The following TRIM5 variants were observed in gnomAD, a reference collection of about 807,000 sequenced individuals.
TRIM5 encodes the protein tripartite motif-containing protein 5.
TRIM5 carries 31 observed loss-of-function variants against 35.6 expected under a neutral mutation model. The observed-to-expected ratio is 0.87, with a 90% CI of 0.65 to 1.18. TRIM5 has a LOEUF of 1.18. TRIM5 is among the 50% of genes most tolerant of loss of function. TRIM5 has a pLI of 0.00. For synonymous variants in TRIM5, 243 were observed against 215.6 expected, an observed-to-expected ratio of 1.13 and a Z score of -1.11; for missense variants, 609 against 591.6, an observed-to-expected ratio of 1.03 and a Z score of -0.31.
chr11:5,601,052 A>T, the TRIM5 span, among the ~76,000 whole-genome samples: 1 of 152,338 alleles, frequency 6.6e-6, no homozygotes, highest in South Asian at 2.1e-4. Flanking sequence ...ATGAAGATAT[A>T]AGGTCTCAAC....
chr11:5,623,481 C>A, the TRIM5 span, among the ~76,000 whole-genome samples: 4 of 151,932 alleles, frequency 2.6e-5, no homozygotes, highest in Middle Eastern at 0.01. Context: ...AATTCTCCTG[C>A]CTCAGCCTCC....
At chr11:5,656,336 C>T in the TRIM5 span, among the ~76,000 whole-genome samples, 20,823 of 148,754 alleles carry the variant, frequency 0.14, 1,928 homozygotes, top group East Asian at 0.43. Context: ...AAAAAGTGAG[C>T]GAAGGATATG....
At chr11:5,649,296 C>G in the TRIM5 span, among the ~76,000 whole-genome samples, 34 of 152,216 alleles carry the variant, frequency 2.2e-4, 1 homozygote, top group Non-Finnish European at 4.3e-4. Flanking sequence ...TCTCTTTCCT[C>G]TCAGCAAGCA....
Position 5,663,573 on chromosome 11 carries a change from C to G in TRIM5, c.*1236G>C, listed in dbSNP as rs1590218248. On this transcript the variant is annotated 3_prime_UTR_variant, in exon 8 of 8. Coordinates refer to ENST00000380034, the MANE Select transcript of TRIM5 (RefSeq NM_033034.3). ...ACACTTAGATAGATGCTTTATACTT[C>G]AGGAATTTATTTTTTCACAATGATC... 6.2e-6 allele frequency: 6 copies of G among 971,862 alleles called. No individual in the cohort carries two copies. The highest frequency in any genetic ancestry group is 7.3e-6 in the Non-Finnish European group (6 of 817,538). 60.2% of individuals were successfully genotyped at this position (971,862 alleles called of 1,614,324 possible).
At chr11:5,614,265 C>G in the TRIM5 span, among the ~76,000 whole-genome samples, 24,643 of 152,144 alleles carry the variant, frequency 0.16, 2,057 homozygotes, top group East Asian at 0.3. Context: ...TGGCACTGTT[C>G]CATGTGGGAT....
chr11:5,639,016 G>A, the TRIM5 span, among the ~76,000 whole-genome samples: 5 of 152,064 alleles, frequency 3.3e-5, no homozygotes, highest in African/African-American at 1.2e-4. Context: ...CTAGGGTCTG[G>A]GGTCTAGAAA....
In TRIM5 at chr11:5,680,010, AG is replaced by A. The variant is rs760713080; in HGVS notation, c.167del (p.Pro56LeufsTer18). The A allele has an allele frequency of 3.1e-6, 5 of 1,614,138 alleles. No homozygotes were observed. Among genetic ancestry groups the A allele is most frequent in the Non-Finnish European group, 3.4e-6 (4 of 1,180,000 alleles). On this transcript the variant is annotated frameshift_variant, in exon 2 of 8. Coordinates refer to ENST00000380034, the MANE Select transcript of TRIM5 (RefSeq NM_033034.3). LOFTEE classifies it high-confidence loss of function. ...CAGGCTGGTAACTGATCCGGCACAC[AG>A]GGCAGCTACTCTCTCCTTTGTCTAG... The part of the protein sequence containing the change: ...SMLDKGESSC[P>X]VCRISYQPEN...
At chr11:5,596,525 C>CCCTTCCT in the TRIM5 span, 1 of 21,822 alleles carries the variant, frequency 4.6e-5, no homozygotes, top group South Asian at 1.8e-3. Context: ...TCCCCTTCCC[C>CCCTTCCT]CCTTCCCCCT....
At position 5,663,255 on chromosome 11, in the gene TRIM5, A is replaced by C. The variant is rs572511870; in HGVS notation, c.*1554T>G. ...TAACTTTTAAAAAACTACATCAGCT[A>C]ATTTTATTATAATTATTTTTTACAA... On this transcript the variant is annotated 3_prime_UTR_variant, in exon 8 of 8. Transcript: ENST00000380034. 2.1e-6 allele frequency: 2 copies of C among 951,184 alleles called. No homozygotes were observed. The highest frequency in any genetic ancestry group is 2.3e-4 in the East Asian group (2 of 8,608). The allele number at this position is 951,184 out of a possible 1,614,324, so 58.9% of individuals were successfully genotyped here.
the TRIM5 span, chr11:5,642,574 T>G: frequency 5.1e-6 from 8 of 1,555,504 alleles, no homozygotes; most frequent in East Asian, 1.8e-4. Context: ...ACTGTCTAGG[T>G]GGGATAACTT....
the TRIM5 span, among the ~76,000 whole-genome samples, chr11:5,606,820 C>G: frequency 6.6e-6 from 1 of 152,202 alleles, no homozygotes; most frequent in African/African-American, 2.4e-5. Context: ...CTTGAGTAGT[C>G]TTTTCTAAAA....
chr11:5,632,603 G>A, the TRIM5 span: 1 of 1,613,472 alleles, frequency 6.2e-7, no homozygotes, highest in Non-Finnish European at 8.5e-7. Flanking sequence ...CCAGACAATG[G>A]GAAGAAGAGA....
At chr11:5,657,334 T>TAAATAC in the TRIM5 span, among the ~76,000 whole-genome samples, 8 of 151,304 alleles carry the variant, frequency 5.3e-5, no homozygotes, top group Middle Eastern at 3.4e-3. Context: ...AGGGAAGGGA[T>TAAATAC]CGCATTAGGA....
the TRIM5 span, among the ~76,000 whole-genome samples, chr11:5,656,340 G>T: frequency 1.4e-5 from 2 of 148,038 alleles, no homozygotes; most frequent in Non-Finnish European, 3.0e-5. Context: ...AGTGAGCGAA[G>T]GATATGAACA....
At chr11:5,602,108 G>C in the TRIM5 span, among the ~76,000 whole-genome samples, 9 of 152,228 alleles carry the variant, frequency 5.9e-5, no homozygotes, top group South Asian at 6.2e-4. Flanking sequence ...ATTTCACTGC[G>C]AGGATTCAAA....
At chr11:5,608,274 A>C in the TRIM5 span, 1 of 1,541,904 alleles carries the variant, frequency 6.5e-7, no homozygotes, top group South Asian at 1.2e-5. Flanking sequence ...GATTATCTTT[A>C]TTTGTATCAT....
At chr11:5,642,931 A>G in the TRIM5 span, 3 of 1,560,394 alleles carry the variant, frequency 1.9e-6, no homozygotes, top group Non-Finnish European at 2.6e-6. Context: ...TCTTAGCCTC[A>G]TGCATTCTCA....
the TRIM5 span, among the ~76,000 whole-genome samples, chr11:5,617,833 A>G: frequency 7.0e-6 from 1 of 142,732 alleles, no homozygotes; most frequent in Non-Finnish European, 1.5e-5. Flanking sequence ...AGGTACTGTC[A>G]TTATCCTTTT....
At chr11:5,623,105 C>CTTTTTTT in the TRIM5 span, among the ~76,000 whole-genome samples, 3 of 106,838 alleles carry the variant, frequency 2.8e-5, no homozygotes, top group Non-Finnish European at 3.7e-5. Flanking sequence ...CTGTCTGGAG[C>CTTTTTTT]TTTTTTTTTT....
Sources: allele counts gnomAD v4.1 joint callset (sites outside exome capture counted in the v4.1 genomes callset), GRCh38; gene constraint gnomAD v4.1.1; transcripts MANE v1.5; gene names NCBI Gene and HGNC (gene_info 2026-07-23, HGNC 2026-07-21).